USH2A: variants seen among roughly 807,000 people sequenced by gnomAD.
The protein encoded by USH2A is Usher syndrome 2A (autosomal recessive, mild).
Under a neutral mutation model 538.9 loss-of-function variants are expected in USH2A, and 443 were observed. The observed-to-expected ratio is 0.82, with a 90% CI of 0.76 to 0.89. The LOEUF (loss-of-function observed/expected upper bound fraction) is 0.89. Ranked by LOEUF, USH2A falls within the 40% of genes least tolerant of loss-of-function variation. USH2A has a pLI of 0.00. For missense variants in USH2A, 6,633 were observed against 6,324.8 expected (o/e 1.05, Z -1.65); for synonymous variants, 2,413 against 2,273.5 (o/e 1.06, Z -1.75).
intron 17 of USH2A, 63 bp from the exon 18 acceptor site, chr1:216,198,647 G>A: frequency 1.4e-6 from 2 of 1,481,354 alleles, no homozygotes; most frequent in East Asian, 2.3e-5. Flanking sequence ...TTAGGGGTAG[G>A]GTAGGGACAG....
At chr1:215,917,362 G>C (rs1434055905) in intron 38 of USH2A, among the ~76,000 whole-genome samples, 1 of 151,986 alleles carries the variant, frequency 6.6e-6, no homozygotes, top group Non-Finnish European at 1.5e-5. Flanking sequence ...TTGAGTACCT[G>C]ATTGCTTGAG....
intron 35 of USH2A, among the ~76,000 whole-genome samples, chr1:215,972,518 A>G (rs1419726939): frequency 1.3e-5 from 2 of 152,162 alleles, no homozygotes; most frequent in African/African-American, 4.8e-5. Context: ...CAACACCTTG[A>G]GAACAACCTA....
chr1:215,781,118 C>G (rs1051856269), intron 54 of USH2A, among the ~76,000 whole-genome samples: 1 of 152,094 alleles, frequency 6.6e-6, no homozygotes, highest in Non-Finnish European at 1.5e-5. Context: ...CCCCAGTGCT[C>G]ATCATCCACA....
intron 19 of USH2A, among the ~76,000 whole-genome samples, chr1:216,190,795 G>A (rs1005477116): frequency 1.3e-5 from 2 of 151,958 alleles, no homozygotes; most frequent in East Asian, 1.9e-4. Context: ...AAGAAATGCC[G>A]TTGCTATGTT....
chr1:215,871,934 A>G (rs1225363392), intron 43 of USH2A, among the ~76,000 whole-genome samples: 1 of 152,232 alleles, frequency 6.6e-6, no homozygotes, highest in East Asian at 1.9e-4. Flanking sequence ...GTGGGAAACC[A>G]AAATTCTTCA....
chr1:216,190,172 T>C (rs2034686135), intron 20 of USH2A, 51 bp downstream of exon 20: 1 of 1,609,302 alleles, frequency 6.2e-7, no homozygotes, highest in Admixed American at 1.7e-5. Context: ...TATTATAAGT[T>C]TTTTTTCTTG....
At chr1:215,798,830 T>C (rs1000643140) in intron 50 of USH2A, 77 bp downstream of exon 50, 1 of 1,555,946 alleles carries the variant, frequency 6.4e-7, no homozygotes, top group Non-Finnish European at 8.9e-7. Context: ...TTATTTGTTT[T>C]ATTTCTAGGG....
Position 216,145,946 on chromosome 1 carries a change from C to T in USH2A, c.4627+29306G>A, listed in dbSNP as rs981334458. On this transcript the variant is annotated intron_variant, in intron 21 of 71. Coordinates refer to ENST00000307340, the MANE Select transcript of USH2A (RefSeq NM_206933.4). ...AAACGGCCCCACCCTTATCTCCCTT[C>T]GCTGACTCTCTTTTCGGACTCAGCC... is the stretch of plus-strand genomic sequence containing the variant. Among the ~76,000 whole-genome samples the T allele has an allele frequency of 8.2e-4, 124 of 152,140 alleles. 7 individuals carry two copies. Among genetic ancestry groups the T allele is most frequent in the Non-Finnish European group, 2.1e-4 (14 of 68,030 alleles).
chr1:216,154,254 T>A (rs964007460), intron 21 of USH2A, among the ~76,000 whole-genome samples: 8 of 152,222 alleles, frequency 5.3e-5, no homozygotes, highest in Admixed American at 3.3e-4. Flanking sequence ...TTGTACAAGA[T>A]TCTCATTGTC....
rs1017927571 is a variant in USH2A, at chr1:216,421,979, C to T, written c.358G>A (p.Ala120Thr). The change falls in exon 2 of 72, where the codon GCC becomes ACC. Residue 120 changes from alanine (A) to threonine (T), a missense_variant. Transcript: ENST00000307340. The part of the protein sequence containing the change: ...TPDKNDLHPN[A>T]HSNSASFIFG... ...ATAAAACTTGCAGAATTGCTATGGG[C>T]GTTAGGATGCAGATCATTCTTGTCT... 10 of 1,613,764 alleles carry T rather than the reference C, an allele frequency of 6.2e-6. No homozygotes were observed. The highest frequency in any genetic ancestry group is 3.3e-5 in the Admixed American group (2 of 59,932).
At chr1:215,864,358 T>C (rs1051924383) in intron 44 of USH2A, among the ~76,000 whole-genome samples, 3 of 152,188 alleles carry the variant, frequency 2.0e-5, no homozygotes, top group Non-Finnish European at 2.9e-5. Context: ...ATTTTTCAAA[T>C]ACAAAAACTG....
At chr1:216,351,371 C>G (rs1032029228) in intron 4 of USH2A, among the ~76,000 whole-genome samples, 1 of 152,102 alleles carries the variant, frequency 6.6e-6, no homozygotes, top group Admixed American at 6.6e-5. Flanking sequence ...GTAAGGGAGT[C>G]AGCCTGATGG....
Position 216,131,383 on chromosome 1 carries a change from C to T in USH2A, c.4628-34170G>A, listed in dbSNP as rs986908802. Reference sequence around the variant, plus strand: ...GAGCTCTTGGTCATGAAATCCTTGCCTAAACCAATGCCTAGAAGGGTTTTT... The same window carrying T: ...GAGCTCTTGGTCATGAAATCCTTGCTTAAACCAATGCCTAGAAGGGTTTTT... On this transcript the variant is annotated intron_variant, in intron 21 of 71. Coordinates refer to ENST00000307340, the MANE Select transcript of USH2A (RefSeq NM_206933.4). Among the ~76,000 whole-genome samples, 4 of 151,972 alleles carry T rather than the reference C, an allele frequency of 2.6e-5. No homozygotes were observed. In the East Asian group the frequency reaches 7.7e-4, roughly 29 times the overall value.
At chr1:216,004,785 T>C (rs1356851722) in intron 32 of USH2A, among the ~76,000 whole-genome samples, 3 of 151,930 alleles carry the variant, frequency 2.0e-5, no homozygotes, top group African/African-American at 7.2e-5. Flanking sequence ...GAGAAAAAAA[T>C]TGCTGGAGTT....
At chr1:215,958,667 T>C (rs949611472) in intron 37 of USH2A, among the ~76,000 whole-genome samples, 10 of 152,074 alleles carry the variant, frequency 6.6e-5, no homozygotes, top group African/African-American at 1.9e-4. Flanking sequence ...ACCCCACTCC[T>C]TCCAGATGTT....
chr1:216,221,542 A>T (rs1393946030), intron 14 of USH2A, among the ~76,000 whole-genome samples: 1 of 152,224 alleles, frequency 6.6e-6, no homozygotes, highest in Non-Finnish European at 1.5e-5. Context: ...TTATTGAACA[A>T]GGAAATACGA....
intron 70 of USH2A, among the ~76,000 whole-genome samples, chr1:215,630,605 C>G (rs944513760): frequency 6.8e-6 from 1 of 148,122 alleles, no homozygotes; most frequent in Non-Finnish European, 1.5e-5. Context: ...GTAATCCCAG[C>G]AATTTGGGAG....
chr1:216,334,994 A>C (rs2037941661), intron 4 of USH2A, among the ~76,000 whole-genome samples: 1 of 151,790 alleles, frequency 6.6e-6, no homozygotes, highest in Admixed American at 6.6e-5. Context: ...CAACAACAGA[A>C]TACAAACTCT....
At chr1:216,187,387 G>C (rs2034629830) in intron 20 of USH2A, among the ~76,000 whole-genome samples, 1 of 151,810 alleles carries the variant, frequency 6.6e-6, no homozygotes, top group African/African-American at 2.4e-5. Flanking sequence ...ATAAAATGTA[G>C]TAATAATACA....
Sources: allele counts gnomAD v4.1 joint callset (sites outside exome capture counted in the v4.1 genomes callset), GRCh38; gene constraint gnomAD v4.1.1; transcripts MANE v1.5; gene names NCBI Gene and HGNC (gene_info 2026-07-23, HGNC 2026-07-21).